DNMBP: variants seen among roughly 807,000 people sequenced by gnomAD.
The protein encoded by DNMBP is dynamin-binding protein.
A neutral mutation model predicts 150.0 loss-of-function variants in DNMBP; 87 were observed. The ratio of observed to expected loss-of-function variants is 0.58; its 90% CI spans 0.49 to 0.69. The LOEUF is 0.69. DNMBP is among the 30% of genes least tolerant of loss of function. The pLI, the probability that DNMBP is intolerant of heterozygous loss-of-function variation, is 0.00. For synonymous variants in DNMBP, 711 were observed against 750.4 expected (o/e 0.95, Z 0.86); for missense variants, 1,774 against 1,949.0 (o/e 0.91, Z 1.69).
At chr10:99,896,124 TGGA>T (rs1157426213) in intron 10 of DNMBP, 140 bp downstream of exon 10, 24 of 881,074 alleles carry the variant, frequency 2.7e-5, no homozygotes, top group Non-Finnish European at 3.7e-5. Flanking sequence ...AACCAGCAGC[TGGA>T]GGGCCCTGTC....
At chr10:99,970,984 A>AAAATAAAAAAAAAAAT (rs2040669295) in intron 2 of DNMBP, among the ~76,000 whole-genome samples, 2 of 147,626 alleles carry the variant, frequency 1.4e-5, no homozygotes, top group Admixed American at 1.4e-4. Flanking sequence ...AAAAAAAAAA[A>AAAATAAAAAAAAAAAT]AAAAAAAAAA....
intron 11 of DNMBP, among the ~76,000 whole-genome samples, chr10:99,891,161 TCTCCCC>T (rs1006333746): frequency 2.7e-5 from 4 of 148,692 alleles, no homozygotes; most frequent in African/African-American, 1.0e-4. Flanking sequence ...TCCCTCTCCC[TCTCCCC>T]CTCTCCCTCC....
chr10:99,984,356 C>G (rs1183990129), intron 1 of DNMBP, among the ~76,000 whole-genome samples: 1 of 152,142 alleles, frequency 6.6e-6, no homozygotes, highest in Admixed American at 6.6e-5. Context: ...ACCACTGACT[C>G]ATAACTAAAT....
At chr10:99,891,573 G>C (rs2039561410) in intron 11 of DNMBP, among the ~76,000 whole-genome samples, 1 of 151,956 alleles carries the variant, frequency 6.6e-6, no homozygotes, top group Non-Finnish European at 1.5e-5. Flanking sequence ...TGCCGAGATT[G>C]CAGCCTCTGC....
At chr10:99,964,135 CT>C (rs895801002) in intron 3 of DNMBP, among the ~76,000 whole-genome samples, 3,847 of 87,334 alleles carry the variant, frequency 0.044, 20 homozygotes, top group East Asian at 0.077. Flanking sequence ...TATTCTCTCT[CT>C]TTTTTTTTTT....
At chr10:100,008,104 C>G (rs1472361919) in intron 1 of DNMBP, among the ~76,000 whole-genome samples, 2 of 152,086 alleles carry the variant, frequency 1.3e-5, no homozygotes, top group Non-Finnish European at 2.9e-5. Flanking sequence ...AAGCCAGGCT[C>G]GGTGGCTCAC....
intron 3 of DNMBP, chr10:99,958,528 C>G (rs2040524808): frequency 6.6e-6 from 1 of 152,182 alleles, no homozygotes; most frequent in Admixed American, 6.6e-5. Flanking sequence ...GAAAGTGAGT[C>G]TGAAACATCA....
At chr10:99,877,853 G>A (rs1176458996) in intron 16 of DNMBP, among the ~76,000 whole-genome samples, 1 of 152,120 alleles carries the variant, frequency 6.6e-6, no homozygotes, top group Non-Finnish European at 1.5e-5. Context: ...GCGACAGAGT[G>A]AGACTCTGTC....
At chr10:99,896,222 A>G in intron 10 of DNMBP, 45 bp downstream of exon 10, 3 of 1,604,196 alleles carry the variant, frequency 1.9e-6, no homozygotes, top group Non-Finnish European at 2.6e-6. Context: ...GGAGCCCTGA[A>G]AAGCTGTCAA....
At chr10:99,981,704 G>C (rs1281216907) in intron 1 of DNMBP, among the ~76,000 whole-genome samples, 1 of 152,112 alleles carries the variant, frequency 6.6e-6, no homozygotes, top group African/African-American at 2.4e-5. Context: ...CTGTGTTCCC[G>C]GAGGCTGGCC....
At chr10:99,916,127 T>C (rs12768484) in intron 4 of DNMBP, among the ~76,000 whole-genome samples, 48,634 of 152,148 alleles carry the variant, frequency 0.32, 8,368 homozygotes, top group Non-Finnish European at 0.39. Context: ...TTGCACATAT[T>C]AATATGATTG....
intron 11 of DNMBP, among the ~76,000 whole-genome samples, chr10:99,893,144 C>G (rs916230021): frequency 9.9e-5 from 15 of 152,212 alleles, no homozygotes; most frequent in African/African-American, 3.6e-4. Context: ...ATAAAACCCA[C>G]TGGTTTTGAT....
intron 3 of DNMBP, among the ~76,000 whole-genome samples, chr10:99,963,959 T>C (rs1386496599): frequency 6.6e-6 from 1 of 152,112 alleles, no homozygotes; most frequent in Non-Finnish European, 1.5e-5. Flanking sequence ...CTTTGACTGA[T>C]GAATACCACT....
chr10:99,971,951 C>G, intron 2 of DNMBP, 29 bp downstream of exon 2: 1 of 1,601,930 alleles, frequency 6.2e-7, no homozygotes, highest in Non-Finnish European at 8.5e-7. Context: ...AAGTCAGGGC[C>G]TGTGGTCCAC....
chr10:99,905,638 G>T (rs1238845382), intron 6 of DNMBP, among the ~76,000 whole-genome samples: 3 of 152,128 alleles, frequency 2.0e-5, no homozygotes, highest in Non-Finnish European at 4.4e-5. Context: ...GGTGAGCCAT[G>T]ATCACACCAC....
Position 99,956,425 on chromosome 10 carries a change from T to A in DNMBP, c.1049A>T (p.Asp350Val), listed in dbSNP as rs1405166257. ...AGTGGGTGCTTCAGAAATAATGCAG[T>A]CAGGCTCCTCGGCCTCATGGTCACT... ...ETSDHEAEEPDCIISEAPTSP... is the reference protein window; with the variant it reads ...ETSDHEAEEPVCIISEAPTSP... The change falls in exon 4 of 17, where the codon GAC (aspartate) becomes GTC (valine). Residue 350 changes from aspartate to valine, a missense_variant. Coordinates refer to ENST00000324109, the MANE Select transcript of DNMBP (RefSeq NM_015221.4). The A allele has an allele frequency of 6.2e-7, 1 of 1,614,020 alleles. No individual in the cohort carries two copies.
chr10:99,971,568 C>T (rs566086572), intron 2 of DNMBP, among the ~76,000 whole-genome samples: 4 of 152,196 alleles, frequency 2.6e-5, no homozygotes, highest in Non-Finnish European at 5.9e-5. Context: ...GTCGCCCAGG[C>T]TGGAATGCAA....
At chr10:99,878,386 T>C (rs2039308368) in intron 16 of DNMBP, among the ~76,000 whole-genome samples, 1 of 152,214 alleles carries the variant, frequency 6.6e-6, no homozygotes, top group African/African-American at 2.4e-5. Context: ...GGACTGGAGC[T>C]GAGACTACAA....
intron 1 of DNMBP, among the ~76,000 whole-genome samples, chr10:99,990,702 C>CAT (rs961876636): frequency 6.7e-6 from 1 of 149,706 alleles, no homozygotes; most frequent in African/African-American, 2.5e-5. Context: ...TATACACACA[C>CAT]ATATATACAC....
Sources: allele counts gnomAD v4.1 joint callset (sites outside exome capture counted in the v4.1 genomes callset), GRCh38; gene constraint gnomAD v4.1.1; transcripts MANE v1.5; gene names NCBI Gene and HGNC (gene_info 2026-07-23, HGNC 2026-07-21).